Variants in NDST3 observed in about 807,000 individuals in gnomAD.
NDST3 encodes the protein bifunctional heparan sulfate N-deacetylase/N-sulfotransferase 3.
A neutral mutation model predicts 96.1 loss-of-function variants in NDST3; 58 were observed. The observed-to-expected ratio is 0.60, with a 90% CI of 0.49 to 0.75. NDST3 has a LOEUF of 0.75. Among genes scored for constraint, NDST3 ranks in the 30% least tolerant of loss-of-function variants. The pLI is 0.00. For synonymous variants in NDST3, 333 were observed against 359.7 expected (o/e 0.93, Z 0.84); for missense variants, 788 against 1,034.2 (o/e 0.76, Z 3.27).
intron 3 of NDST3, among the ~76,000 whole-genome samples, chr4:118,107,110 A>AATC (rs935652158): frequency 3.3e-5 from 5 of 151,528 alleles, no homozygotes; most frequent in East Asian, 2.0e-4. Flanking sequence ...TAATAATAAT[A>AATC]ATCATCATCA....
intron 6 of NDST3, among the ~76,000 whole-genome samples, chr4:118,188,280 TATATG>T (rs1291990544): frequency 1.3e-5 from 2 of 148,320 alleles, no homozygotes; most frequent in East Asian, 1.9e-4. Flanking sequence ...ATATCATTAA[TATATG>T]ATATATTTAT....
chr4:118,064,349 AAG>A (rs1215597277), intron 2 of NDST3, among the ~76,000 whole-genome samples: 4 of 152,136 alleles, frequency 2.6e-5, no homozygotes, highest in African/African-American at 9.7e-5. Flanking sequence ...TTAGTAGCTA[AAG>A]CACTTTTTTA....
chr4:118,241,234 T>C (rs2126006692), intron 11 of NDST3, among the ~76,000 whole-genome samples: 1 of 152,290 alleles, frequency 6.6e-6, no homozygotes, highest in Non-Finnish European at 1.5e-5. Context: ...CACTACCACA[T>C]ATGGCTATTT....
At chr4:118,091,407 G>A (rs1330362640) in intron 2 of NDST3, among the ~76,000 whole-genome samples, 3 of 151,792 alleles carry the variant, frequency 2.0e-5, no homozygotes, top group Admixed American at 1.3e-4. Flanking sequence ...GAAACCATGT[G>A]AGTCTATACA....
chr4:118,215,523 GA>G (rs760174298), intron 6 of NDST3, among the ~76,000 whole-genome samples: 5 of 152,206 alleles, frequency 3.3e-5, no homozygotes, highest in Non-Finnish European at 5.9e-5. Flanking sequence ...CTGTTCCTTT[GA>G]AGAACTTGGC....
At chr4:118,045,969 G>A (rs538193628) in intron 1 of NDST3, among the ~76,000 whole-genome samples, 1 of 151,904 alleles carries the variant, frequency 6.6e-6, no homozygotes, top group Non-Finnish European at 1.5e-5. Flanking sequence ...GAGGGGGAAG[G>A]CAAGATGGCC....
chr4:118,230,218 C>A (rs1253912362), intron 8 of NDST3, among the ~76,000 whole-genome samples: 2 of 152,128 alleles, frequency 1.3e-5, no homozygotes, highest in Admixed American at 6.5e-5. Flanking sequence ...CATAGTTATT[C>A]TAAGTCAGTG....
chr4:118,106,640 G>A (rs1484625143), intron 3 of NDST3, among the ~76,000 whole-genome samples: 1 of 151,894 alleles, frequency 6.6e-6, no homozygotes, highest in African/African-American at 2.4e-5. Flanking sequence ...ATATCTAATT[G>A]GTTAGCCAGA....
intron 6 of NDST3, among the ~76,000 whole-genome samples, chr4:118,159,214 C>A (rs923304885): frequency 6.6e-6 from 1 of 152,214 alleles, no homozygotes; most frequent in African/African-American, 2.4e-5. Flanking sequence ...CAAGTGCTGA[C>A]AGGACCCAAT....
At chr4:118,129,771 C>T (rs6828552) in intron 4 of NDST3, among the ~76,000 whole-genome samples, 127,198 of 151,960 alleles carry the variant, frequency 0.84, 54,776 homozygotes, top group South Asian at 0.95. Flanking sequence ...CTGTCCAATG[C>T]TGAAAGTGGA....
chr4:118,111,867 C>T lies in NDST3; in HGVS notation c.1070-2939C>T, dbSNP rs1730670026. The stretch of plus-strand genomic sequence containing the variant: ...GATATTCAGGAAAGGACAACAAATG[C>T]CTGAGCTATCTTTTTAGCCAGGATG... On this transcript the variant is annotated intron_variant, in intron 3 of 13. Transcript: ENST00000296499. Among the ~76,000 whole-genome samples, 6 of 150,930 alleles carry T rather than the reference C, an allele frequency of 4.0e-5. No homozygotes were observed. In the South Asian group the frequency reaches 1.3e-3, roughly 32 times the overall value.
chr4:118,240,052 C>A lies in NDST3; in HGVS notation c.2119-472C>A, dbSNP rs1344604705. 2.0e-5 allele frequency among the ~76,000 whole-genome samples: 3 copies of A among 151,782 alleles called. No homozygotes were observed. In the East Asian group the frequency reaches 5.8e-4, roughly 29 times the overall value. ...TACATGTCAGACTTTCTAGTACTTT[C>A]TTCATTTAAAAGAGCTGATAGGCCT... is the stretch of plus-strand genomic sequence containing the variant. On this transcript the variant is annotated intron_variant, in intron 10 of 13. Coordinates refer to ENST00000296499, the MANE Select transcript of NDST3 (RefSeq NM_004784.3).
intron 6 of NDST3, among the ~76,000 whole-genome samples, chr4:118,185,756 T>C (rs1475830839): frequency 1.3e-5 from 2 of 152,178 alleles, no homozygotes; most frequent in African/African-American, 2.4e-5. Context: ...GCTTGAATAG[T>C]TGGCTACCTT....
chr4:118,047,608 G>C (rs921061941), intron 1 of NDST3, among the ~76,000 whole-genome samples: 1 of 152,136 alleles, frequency 6.6e-6, no homozygotes, highest in East Asian at 1.9e-4. Flanking sequence ...AATACAATTA[G>C]AAGTATTAAC....
intron 2 of NDST3, among the ~76,000 whole-genome samples, chr4:118,064,714 C>A (rs894213767): frequency 3.8e-4 from 58 of 152,020 alleles, no homozygotes; most frequent in African/African-American, 1.2e-3. Flanking sequence ...AATGCCAAAG[C>A]AAATTACCAC....
intron 8 of NDST3, among the ~76,000 whole-genome samples, chr4:118,231,329 C>G (rs1193530762): frequency 9.4e-6 from 1 of 106,722 alleles, no homozygotes. Flanking sequence ...GAGCAAGACT[C>G]CATCTAAAAA....
At position 118,213,918 on chromosome 4, in the gene NDST3, A is replaced by G. The variant is rs1739018526; in HGVS notation, c.1540-10573A>G. ...AGTAGCCTATTATGTAATTAAATTA[A>G]GTTTAACAAACATTTCTTTAATGAA... is the stretch of plus-strand genomic sequence containing the variant. On this transcript the variant is annotated intron_variant, in intron 6 of 13. Coordinates refer to ENST00000296499, the MANE Select transcript of NDST3 (RefSeq NM_004784.3). 2.6e-5 allele frequency among the ~76,000 whole-genome samples: 4 copies of G among 152,164 alleles called. No individual in the cohort carries two copies. In the South Asian group the frequency reaches 8.3e-4, roughly 31 times the overall value.
rs190905470 is a variant in NDST3 at position 118,035,249 on chromosome 4, C to T, written c.-156+657C>T. Among the ~76,000 whole-genome samples the T allele has an allele frequency of 2.8e-3, 421 of 151,914 alleles. 2 individuals carry two copies. Among genetic ancestry groups the T allele is most frequent in the African/African-American group, 9.5e-3 (393 of 41,434 alleles). On this transcript the variant is annotated intron_variant, in intron 1 of 13. Transcript: ENST00000296499. Reference sequence around the variant, plus strand: ...TTTAAGCATCAGAGTTATTTAATGTCGAAAATGTATTAGTATCTATATTCT... The same window carrying T: ...TTTAAGCATCAGAGTTATTTAATGTTGAAAATGTATTAGTATCTATATTCT...
At chr4:118,045,126 C>T (rs1724689968) in intron 1 of NDST3, among the ~76,000 whole-genome samples, 1 of 152,150 alleles carries the variant, frequency 6.6e-6, no homozygotes, top group South Asian at 2.1e-4. Context: ...ATTTCTCACT[C>T]TTTCCTCCCA....
Sources: gnomAD v4.1 joint callset for allele counts (sites outside exome capture counted in the v4.1 genomes callset) on GRCh38, gnomAD v4.1.1 for gene constraint, MANE v1.5 for transcripts, NCBI Gene and HGNC (gene_info 2026-07-23, HGNC 2026-07-21) for gene names.